DLGAP1: variants seen among roughly 807,000 people sequenced by gnomAD.
DLGAP1 encodes the protein disks large-associated protein 1.
DLGAP1 carries 11 observed loss-of-function variants against 90.8 expected under a neutral mutation model. That is an observed-to-expected ratio of 0.12 (90% CI 0.08 to 0.20). The LOEUF (loss-of-function observed/expected upper bound fraction) is 0.20, where lower values mean the gene tolerates loss of function less well. DLGAP1 is among the 10% of genes least tolerant of loss of function. The probability of loss-of-function intolerance (pLI) is 1.00; values close to 1 mark genes in which losing one functional copy is unlikely to be tolerated. For synonymous variants in DLGAP1, 558 were observed against 540.7 expected (o/e 1.03, Z -0.44); for missense variants, 1,050 against 1,333.8 (o/e 0.79, Z 3.31).
At chr18:3,583,874 G>T (rs2055718855) in intron 7 of DLGAP1, among the ~76,000 whole-genome samples, 1 of 152,152 alleles carries the variant, frequency 6.6e-6, no homozygotes, top group African/African-American at 2.4e-5. Flanking sequence ...CTTGAACCTG[G>T]GGGGAGGAGG....
intron 9 of DLGAP1, among the ~76,000 whole-genome samples, chr18:3,563,385 T>C (rs2054253641): frequency 1.3e-5 from 2 of 152,132 alleles, no homozygotes; most frequent in South Asian, 2.1e-4. Flanking sequence ...ATCCTCTCCT[T>C]CTTGTATTCC....
chr18:4,041,451 T>C (rs1472833130), intron 2 of DLGAP1, among the ~76,000 whole-genome samples: 1 of 152,210 alleles, frequency 6.6e-6, no homozygotes, highest in Non-Finnish European at 1.5e-5. Flanking sequence ...GAATTCCCTG[T>C]CCTGGTGTCT....
intron 1 of DLGAP1, among the ~76,000 whole-genome samples, chr18:4,304,659 G>A (rs1250785200): frequency 1.3e-5 from 2 of 152,204 alleles, no homozygotes; most frequent in African/African-American, 4.8e-5. Flanking sequence ...GGCCAGGCGT[G>A]GTGGCTCACG....
chr18:3,632,961 G>A (rs573142204), intron 7 of DLGAP1, among the ~76,000 whole-genome samples: 9 of 152,254 alleles, frequency 5.9e-5, no homozygotes, highest in East Asian at 3.9e-4. Flanking sequence ...GGATCATATG[G>A]CAATGACTAC....
At chr18:4,115,508 C>T (rs1051111672) in intron 2 of DLGAP1, among the ~76,000 whole-genome samples, 16 of 101,626 alleles carry the variant, frequency 1.6e-4, no homozygotes, top group East Asian at 1.4e-3. Flanking sequence ...TTTTTTGAGA[C>T]GGAGTCTTGC....
At chr18:3,903,841 A>G (rs918142708) in intron 3 of DLGAP1, among the ~76,000 whole-genome samples, 1 of 152,234 alleles carries the variant, frequency 6.6e-6, no homozygotes, top group Non-Finnish European at 1.5e-5. Flanking sequence ...CCTCATTGGA[A>G]AAATAGCAAT....
At chr18:3,528,848 G>A (rs1167655468) in intron 10 of DLGAP1, among the ~76,000 whole-genome samples, 1 of 152,102 alleles carries the variant, frequency 6.6e-6, no homozygotes, top group Non-Finnish European at 1.5e-5. Context: ...CCTATTTCGT[G>A]TCTCTCAAAG....
chr18:3,737,589 A>G (rs2147580646), intron 6 of DLGAP1, among the ~76,000 whole-genome samples: 1 of 151,160 alleles, frequency 6.6e-6, no homozygotes, highest in East Asian at 1.9e-4. Flanking sequence ...CATGCTAAAA[A>G]CTCTCAATAA....
chr18:4,115,117 A>AT lies in DLGAP1; in HGVS notation c.-159+36062dup, dbSNP rs757560260. ...TATCTTAATGATCTTTAAATAATATATGCATTATTCTCTTAGTGATGTCTC... is the reference window on the plus strand; with the variant it reads ...TATCTTAATGATCTTTAAATAATATATTGCATTATTCTCTTAGTGATGTCTC... On this transcript the variant is annotated intron_variant, in intron 2 of 12. Transcript: ENST00000315677. Among the ~76,000 whole-genome samples, 9 of 152,246 alleles carry AT rather than the reference A, an allele frequency of 5.9e-5. No individual in the cohort carries two copies. In the East Asian group the frequency reaches 1.7e-3, roughly 29 times the overall value.
At chr18:3,767,620 T>C (rs2064312206) in intron 5 of DLGAP1, among the ~76,000 whole-genome samples, 1 of 152,042 alleles carries the variant, frequency 6.6e-6, no homozygotes, top group South Asian at 2.1e-4. Flanking sequence ...GTTCCATATC[T>C]GAACATTAAT....
chr18:3,519,555 T>C (rs550471426), intron 10 of DLGAP1, among the ~76,000 whole-genome samples: 78 of 152,324 alleles, frequency 5.1e-4, no homozygotes, highest in African/African-American at 1.7e-3. Context: ...ATTTGGATGA[T>C]AGTGTCTCCT....
intron 7 of DLGAP1, among the ~76,000 whole-genome samples, chr18:3,724,339 C>A (rs2062080973): frequency 6.6e-6 from 1 of 151,854 alleles, no homozygotes. Context: ...GCACACAGGC[C>A]AAACTTTAAG....
intron 9 of DLGAP1, among the ~76,000 whole-genome samples, chr18:3,535,866 T>C (rs966235369): frequency 1.3e-5 from 2 of 151,436 alleles, no homozygotes; most frequent in African/African-American, 2.4e-5. Flanking sequence ...ATCCCGTCTC[T>C]ACTAAAAATA....
rs1018169278 is a variant in DLGAP1, at chr18:3,711,466, C to G, written c.1591+17669G>C. Among the ~76,000 whole-genome samples the G allele has an allele frequency of 3.3e-5, 5 of 152,212 alleles. No individual in the cohort carries two copies. The highest frequency in any genetic ancestry group is 1.3e-4 in the Admixed American group (2 of 15,288). On this transcript the variant is annotated intron_variant, in intron 7 of 12. Transcript: ENST00000315677. This position sits in a 1 kb window ranked among gnomAD's most constrained non-coding sequence, Gnocchi z 4.0. The stretch of plus-strand genomic sequence containing the variant: ...AATAAAAATACCCACCTAGGTGAGA[C>G]AACTTCAACTTCAATCACCTAAAAG...
intron 3 of DLGAP1, among the ~76,000 whole-genome samples, chr18:3,884,027 T>C (rs181031802): frequency 1.1e-3 from 160 of 152,294 alleles, no homozygotes; most frequent in African/African-American, 3.2e-3. Context: ...TCAGGACTTA[T>C]GATACCTGTG....
intron 7 of DLGAP1, among the ~76,000 whole-genome samples, chr18:3,714,288 CG>C (rs1183356024): frequency 1.3e-5 from 2 of 152,100 alleles, no homozygotes; most frequent in African/African-American, 2.4e-5. Context: ...CTAGAAGAGT[CG>C]TTTTTGGAAA....
chr18:4,065,045 G>T (rs4635424), intron 2 of DLGAP1, among the ~76,000 whole-genome samples: 23,736 of 151,850 alleles, frequency 0.16, 2,201 homozygotes, highest in East Asian at 0.35. Context: ...AATAAATGTG[G>T]TTCATCATAT....
chr18:4,398,842 CT>C (rs1239707893), intron 1 of DLGAP1, among the ~76,000 whole-genome samples: 1 of 151,520 alleles, frequency 6.6e-6, no homozygotes, highest in African/African-American at 2.4e-5. Flanking sequence ...TTTTGTTTTG[CT>C]TTTTTTTGAG....
chr18:4,092,840 C>G (rs911591995), intron 2 of DLGAP1, among the ~76,000 whole-genome samples: 13 of 152,132 alleles, frequency 8.5e-5, no homozygotes. Flanking sequence ...GGTAGGAGTT[C>G]CCTTTGTGCC....
Sources: allele counts gnomAD v4.1 joint callset (sites outside exome capture counted in the v4.1 genomes callset), GRCh38; gene constraint gnomAD v4.1.1; non-coding constraint Gnocchi (gnomAD v3.1); transcripts MANE v1.5; gene names NCBI Gene and HGNC (gene_info 2026-07-23, HGNC 2026-07-21).